Variants in SLC14A2 observed in about 807,000 individuals in gnomAD.
SLC14A2 encodes the protein solute carrier family 14 member 2.
Under a neutral mutation model 104.6 loss-of-function variants are expected in SLC14A2, and 91 were observed. The observed-to-expected ratio is 0.87, with a 90% CI of 0.73 to 1.04. The LOEUF (loss-of-function observed/expected upper bound fraction) is 1.04, where lower values mean the gene tolerates loss of function less well. Ranked by LOEUF, SLC14A2 falls within the 50% of genes least tolerant of loss-of-function variation. The pLI, the probability that SLC14A2 is intolerant of heterozygous loss-of-function variation, is 0.00. For synonymous variants in SLC14A2, 476 were observed against 466.4 expected (o/e 1.02, Z -0.27); for missense variants, 1,189 against 1,156.0 (o/e 1.03, Z -0.41).
At chr18:45,495,902 G>A (rs112207888) in intron 2 of SLC14A2, among the ~76,000 whole-genome samples, 6 of 152,228 alleles carry the variant, frequency 3.9e-5, no homozygotes, top group African/African-American at 7.2e-5. Context: ...CTTGGCAAGC[G>A]CCAACTCCCA....
intron 1 of SLC14A2, among the ~76,000 whole-genome samples, chr18:45,345,394 G>A (rs892121810): frequency 1.7e-4 from 26 of 152,168 alleles, no homozygotes; most frequent in African/African-American, 6.3e-4. Flanking sequence ...CTCTAATGAT[G>A]TCACTTCAGA....
At chr18:45,477,161 T>A (rs1208416453) in intron 1 of SLC14A2, among the ~76,000 whole-genome samples, 1 of 152,198 alleles carries the variant, frequency 6.6e-6, no homozygotes, top group East Asian at 1.9e-4. Flanking sequence ...TGGATGGGGT[T>A]TTTGTGTGGA....
intron 2 of SLC14A2, among the ~76,000 whole-genome samples, chr18:45,512,372 G>A (rs2043377900): frequency 6.6e-6 from 1 of 152,302 alleles, no homozygotes; most frequent in South Asian, 2.1e-4. Context: ...CCAGGGAGAA[G>A]AGTCCTTTCT....
At chr18:45,542,035 G>GTTTGTTTTTTTTTTTT (rs2043891585) in intron 2 of SLC14A2, among the ~76,000 whole-genome samples, 1 of 54,206 alleles carries the variant, frequency 1.8e-5, no homozygotes, top group Non-Finnish European at 3.7e-5. Flanking sequence ...AAGAGAGAGG[G>GTTTGTTTTTTTTTTTT]TTTTTTTTTT....
intron 1 of SLC14A2, among the ~76,000 whole-genome samples, chr18:45,255,176 C>T (rs939125997): frequency 3.9e-5 from 6 of 152,108 alleles, no homozygotes; most frequent in Admixed American, 2.6e-4. Flanking sequence ...GCATCTTTTC[C>T]GGCTCTGCAT....
intron 1 of SLC14A2, among the ~76,000 whole-genome samples, chr18:45,308,369 T>A (rs962485995): frequency 3.3e-5 from 5 of 152,246 alleles, no homozygotes; most frequent in Admixed American, 1.3e-4. Flanking sequence ...TTAAGTGGCA[T>A]GGCTGAAATT....
intron 2 of SLC14A2, among the ~76,000 whole-genome samples, chr18:45,509,269 C>T (rs764243489): frequency 2.6e-5 from 4 of 151,944 alleles, no homozygotes; most frequent in Non-Finnish European, 5.9e-5. Context: ...CCTAAATTTA[C>T]CTCAGTCATC....
At chr18:45,417,500 G>A (rs188715257) in intron 1 of SLC14A2, among the ~76,000 whole-genome samples, 36 of 152,304 alleles carry the variant, frequency 2.4e-4, no homozygotes, top group Non-Finnish European at 3.7e-4. Flanking sequence ...ATGATGGCAG[G>A]AAGGAGAACT....
intron 1 of SLC14A2, among the ~76,000 whole-genome samples, chr18:45,251,957 C>T (rs143993828): frequency 3.2e-4 from 49 of 151,936 alleles, no homozygotes; most frequent in Admixed American, 2.4e-3. Flanking sequence ...GAATCTGAGA[C>T]GCATTAGCTT....
intron 2 of SLC14A2, among the ~76,000 whole-genome samples, chr18:45,554,678 G>A (rs1006367312): frequency 6.6e-6 from 1 of 152,068 alleles, no homozygotes; most frequent in Admixed American, 6.6e-5. Context: ...GGAATAAGGA[G>A]GGCCGCCCTT....
At chr18:45,459,264 G>A (rs570869333) in intron 1 of SLC14A2, among the ~76,000 whole-genome samples, 32 of 152,290 alleles carry the variant, frequency 2.1e-4, no homozygotes, top group African/African-American at 7.5e-4. Flanking sequence ...CTACTTGTCA[G>A]CCCCAAAGCA....
intron 2 of SLC14A2, among the ~76,000 whole-genome samples, chr18:45,535,691 T>C (rs1483962747): frequency 6.6e-6 from 1 of 152,202 alleles, no homozygotes; most frequent in Non-Finnish European, 1.5e-5. Flanking sequence ...CACTCTTGCA[T>C]GGACACAAAA....
the SLC14A2 span, among the ~76,000 whole-genome samples, chr18:45,173,674 G>C: frequency 6.6e-6 from 1 of 152,030 alleles, no homozygotes; most frequent in Non-Finnish European, 1.5e-5. Context: ...AGCATGCATG[G>C]ATAATCACAA....
At chr18:45,266,076 G>A (rs1327509829) in intron 1 of SLC14A2, among the ~76,000 whole-genome samples, 21 of 152,222 alleles carry the variant, frequency 1.4e-4, no homozygotes, top group Non-Finnish European at 2.9e-5. Context: ...GGAAGTTGTG[G>A]TGTAAAATGA....
At chr18:45,172,461 C>A in the SLC14A2 span, among the ~76,000 whole-genome samples, 1 of 152,012 alleles carries the variant, frequency 6.6e-6, no homozygotes, top group East Asian at 1.9e-4. Context: ...TTCTGGCAAC[C>A]CTGAGCCTAT....
At chr18:45,278,779 T>C (rs1265267401) in intron 1 of SLC14A2, among the ~76,000 whole-genome samples, 1 of 152,180 alleles carries the variant, frequency 6.6e-6, no homozygotes, top group Non-Finnish European at 1.5e-5. Context: ...ACCTGCACAG[T>C]TCAAACCCGT....
intron 1 of SLC14A2, chr18:45,424,126 T>A (rs9945804): frequency 0.031 from 4,722 of 152,258 alleles, 209 homozygotes; most frequent in African/African-American, 0.098. Flanking sequence ...CACTTCTGGA[T>A]CCTAGCTGAA....
chr18:45,294,029 A>G (rs1335130284), intron 1 of SLC14A2, among the ~76,000 whole-genome samples: 2 of 152,224 alleles, frequency 1.3e-5, no homozygotes, highest in Non-Finnish European at 2.9e-5. Flanking sequence ...AGTTCACGGT[A>G]TCCATCACTT....
At chr18:45,290,314 G>A (rs1205540276) in intron 1 of SLC14A2, among the ~76,000 whole-genome samples, 2 of 152,012 alleles carry the variant, frequency 1.3e-5, no homozygotes, top group Non-Finnish European at 1.5e-5. Context: ...CATTCTTTAT[G>A]CCCATGTCAT....
Sources: allele counts gnomAD v4.1 joint callset (sites outside exome capture counted in the v4.1 genomes callset), GRCh38; gene constraint gnomAD v4.1.1; transcripts MANE v1.5; gene names NCBI Gene and HGNC (gene_info 2026-07-23, HGNC 2026-07-21).